The following FAM98A variants were observed in gnomAD, a reference collection of about 807,000 sequenced individuals.
FAM98A encodes the protein protein FAM98A.
FAM98A carries 25 observed loss-of-function variants against 62.9 expected under a neutral mutation model. The ratio of observed to expected loss-of-function variants is 0.40; its 90% CI spans 0.29 to 0.56. The LOEUF (loss-of-function observed/expected upper bound fraction) is 0.56. Ranked by LOEUF, FAM98A falls within the 20% of genes least tolerant of loss-of-function variation. The probability of loss-of-function intolerance (pLI) is 0.51; values close to 1 mark genes in which losing one functional copy is unlikely to be tolerated. For synonymous variants in FAM98A, 252 were observed against 228.6 expected, an observed-to-expected ratio of 1.10 and a Z score of -0.92; for missense variants, 653 against 640.7, an observed-to-expected ratio of 1.02 and a Z score of -0.21.
intron 2 of FAM98A, among the ~76,000 whole-genome samples, chr2:33,594,205 T>TA (rs1286454823): frequency 6.6e-6 from 1 of 152,178 alleles, no homozygotes; most frequent in Non-Finnish European, 1.5e-5. Context: ...TTGCTATCAT[T>TA]ACTGTTACAC....
intron 4 of FAM98A, 183 bp from the exon 5 acceptor site, chr2:33,587,503 G>T (rs753185527): frequency 5.2e-6 from 3 of 577,158 alleles, no homozygotes; most frequent in Non-Finnish European, 9.3e-6. Flanking sequence ...CACTCCTCAC[G>T]CCTACAGAAG....
rs775382741 is a variant in FAM98A at position 33,585,282 on chromosome 2, G to A, written c.1051C>T (p.Arg351Ter). The A allele has an allele frequency of 3.1e-6, 5 of 1,613,738 alleles. No homozygotes were observed. Among genetic ancestry groups the A allele is most frequent in the Non-Finnish European group, 4.2e-6 (5 of 1,179,950 alleles). The change falls in exon 8 of 8, where the codon CGA becomes TGA. Residue 351 changes from arginine to a stop codon, truncating the protein, a stop_gained. Coordinates refer to ENST00000238823, the MANE Select transcript of FAM98A (RefSeq NM_015475.5). LOFTEE classifies it high-confidence loss of function. The stretch of plus-strand genomic sequence containing the variant: ...CCGCCTCCTTGTTCATGACCTCCTC[G>A]TCCTCCGTATGAGGAATGTTCATAG... ...GGYEHSSYGG[R>*]GGHEQGGGRG...
chr2:33,598,061 A>G (rs1677854552), intron 1 of FAM98A, among the ~76,000 whole-genome samples: 1 of 152,212 alleles, frequency 6.6e-6, no homozygotes, highest in Non-Finnish European at 1.5e-5. Context: ...GTTTCCAAGA[A>G]AAGAACAATA....
Position 33,588,323 on chromosome 2 carries a change from T to G in FAM98A, c.522+12A>C, listed in dbSNP as rs1440299800. 2 of 1,605,610 alleles carry G rather than the reference T, an allele frequency of 1.2e-6. No homozygotes were observed. Among genetic ancestry groups the G allele is most frequent in the Non-Finnish European group, 1.7e-6 (2 of 1,174,406 alleles). On this transcript the variant is annotated intron_variant, in intron 4 of 7. Coordinates refer to ENST00000238823, the MANE Select transcript of FAM98A (RefSeq NM_015475.5). ...CCTTTAATACACTACAATTTGGTAC[T>G]AAAGGTCTTACTTTTTTTTCAATCC...
chr2:33,593,112 T>C (rs1271757053), intron 2 of FAM98A, among the ~76,000 whole-genome samples: 1 of 152,218 alleles, frequency 6.6e-6, no homozygotes, highest in Non-Finnish European at 1.5e-5. Flanking sequence ...AGCATTTAAG[T>C]ACTGTACTTG....
At chr2:33,595,723 T>C (rs1558551073) in intron 1 of FAM98A, 86 bp from the exon 2 acceptor site, 3 of 911,790 alleles carry the variant, frequency 3.3e-6, no homozygotes, top group Non-Finnish European at 4.8e-6. Flanking sequence ...CTTATTTATA[T>C]AAGCAATAAT....
intron 5 of FAM98A, chr2:33,586,899 T>C (rs1246298568): frequency 1.8e-6 from 1 of 542,252 alleles, no homozygotes; most frequent in African/African-American, 1.9e-5. Flanking sequence ...ACAATTCTTA[T>C]TTATCTTTCC....
intron 6 of FAM98A, among the ~76,000 whole-genome samples, chr2:33,585,923 G>A (rs1168836195): frequency 1.3e-5 from 2 of 152,142 alleles, no homozygotes; most frequent in Non-Finnish European, 2.9e-5. Context: ...GGGACTGTGG[G>A]GGCAGGGGTG....
chr2:33,598,855 C>A (rs1362740262), intron 1 of FAM98A, among the ~76,000 whole-genome samples: 4 of 151,996 alleles, frequency 2.6e-5, no homozygotes, highest in Admixed American at 2.6e-4. Context: ...GAGGATGAAG[C>A]GAGGAGAGAA....
At position 33,585,040 on chromosome 2, in the gene FAM98A, T is replaced by G. The variant is rs573575800; in HGVS notation, c.1293A>C (p.Ser431=). ...CACCCTGGTATCCACTTCCTGTATA[T>G]GAAGAAGATGTTTGGAAGCCACCAT... ...GGYGGFQTSS[S]YTGSGYQGGG... The change falls in exon 8 of 8, where the codon TCA becomes TCC. Residue 431 remains serine, a synonymous_variant. Coordinates refer to ENST00000238823, the MANE Select transcript of FAM98A (RefSeq NM_015475.5). The G allele has an allele frequency of 2.5e-6, 4 of 1,613,898 alleles. No homozygotes were observed. In the East Asian group the frequency reaches 6.7e-5, roughly 27 times the overall value.
At chr2:33,591,803 T>G (rs1677677066) in intron 3 of FAM98A, 2 of 257,914 alleles carry the variant, frequency 7.8e-6, no homozygotes, top group Non-Finnish European at 1.5e-5. Context: ...TGAGCAACAC[T>G]CCAAAACTAC....
chr2:33,584,947 A>T lies in FAM98A; in HGVS notation c.1386T>A (p.Gly462=), dbSNP rs1337353685. Reference sequence around the variant, plus strand: ...CTCGGCCTCCACGACCACCTCGCCCACCACGACCACCACCACGATCACCAT... The same window carrying T: ...CTCGGCCTCCACGACCACCTCGCCCTCCACGACCACCACCACGATCACCAT... ...GHHGDRGGGR[G]GRGGRGGRGG... Residue 462 remains glycine, a synonymous_variant, in exon 8 of 8, where the codon GGT becomes GGA. Coordinates refer to ENST00000238823, the MANE Select transcript of FAM98A (RefSeq NM_015475.5). 6.2e-7 allele frequency: 1 copy of T among 1,613,328 alleles called. No homozygotes were observed. Among genetic ancestry groups the T allele is most frequent in the East Asian group, 2.2e-5 (1 of 44,852 alleles).
At chr2:33,593,587 T>C (rs1357259615) in intron 2 of FAM98A, among the ~76,000 whole-genome samples, 1 of 152,240 alleles carries the variant, frequency 6.6e-6, no homozygotes, top group East Asian at 1.9e-4. Context: ...TCTTCATTAT[T>C]TTGATTGTTC....
chr2:33,587,542 A>G, intron 4 of FAM98A: 1 of 513,356 alleles, frequency 1.9e-6, no homozygotes, highest in East Asian at 3.4e-5. Context: ...ACAGTGCCTG[A>G]CAACAGTAGG....
intron 2 of FAM98A, among the ~76,000 whole-genome samples, chr2:33,592,472 C>T (rs1677693185): frequency 6.6e-6 from 1 of 151,964 alleles, no homozygotes; most frequent in Admixed American, 6.6e-5. Flanking sequence ...CTTGAAGGAT[C>T]CTCCTGTTTA....
rs575757416 is a variant in FAM98A at position 33,594,361 on chromosome 2, TGA to T, written c.202+1126_202+1127del. On this transcript the variant is annotated intron_variant, in intron 2 of 7. Transcript: ENST00000238823. ...TCACCACTAAGTGGGAGTTAAAAAA[TGA>T]GAACACATGGACACAGGGAGGGGAA... Among the ~76,000 whole-genome samples the T allele has an allele frequency of 3.6e-4, 54 of 151,054 alleles. 1 individual carries two copies. The South Asian group carries it at 0.011, about 30-fold the overall frequency.
In FAM98A at chr2:33,595,557, A is replaced by C; in HGVS notation, c.134T>G (p.Leu45Arg). 6.2e-7 allele frequency: 1 copy of C among 1,611,094 alleles called. No homozygotes were observed. The highest frequency in any genetic ancestry group is 8.5e-7 in the Non-Finnish European group (1 of 1,178,962). The change falls in exon 2 of 8, where the codon CTC becomes CGC. Residue 45 changes from leucine (L) to arginine (R), a missense_variant. Physicochemically the swap from Leu to Arg is moderately radical, Grantham distance 102. Coordinates refer to ENST00000238823, the MANE Select transcript of FAM98A (RefSeq NM_015475.5). The stretch of plus-strand genomic sequence containing the variant: ...TAATTCAGACACCAGCCAAGCACAG[A>C]GTTTGGTAAACTCGGGGGAACTGGC... ...AGASSPEFTK[L>R]CAWLVSELRV...
rs1399736635 is a variant in FAM98A at position 33,583,968 on chromosome 2, T to C, written c.*808A>G. 6.5e-6 allele frequency: 1 copy of C among 152,694 alleles called. No individual in the cohort carries two copies. Among genetic ancestry groups the C allele is most frequent in the Non-Finnish European group, 1.5e-5 (1 of 68,042 alleles). The allele number at this position is 152,694 out of a possible 1,614,324, so 9.5% of individuals were successfully genotyped here. On this transcript the variant is annotated 3_prime_UTR_variant, in exon 8 of 8. Transcript: ENST00000238823. ...TTGCTGAGCCAGTGGTATTAACTCATGCATAAAACAAATTTCGGTTTGCTA... is the reference window on the plus strand; with the variant it reads ...TTGCTGAGCCAGTGGTATTAACTCACGCATAAAACAAATTTCGGTTTGCTA...
intron 1 of FAM98A, among the ~76,000 whole-genome samples, chr2:33,597,340 T>C (rs1677835654): frequency 6.6e-6 from 1 of 152,090 alleles, no homozygotes; most frequent in Non-Finnish European, 1.5e-5. Flanking sequence ...AATAAATAAA[T>C]AAATAGAAAA....
Sources: allele counts gnomAD v4.1 joint callset (sites outside exome capture counted in the v4.1 genomes callset), GRCh38; gene constraint gnomAD v4.1.1; transcripts MANE v1.5; gene names NCBI Gene and HGNC (gene_info 2026-07-23, HGNC 2026-07-21).